The following AGBL4 variants were observed in gnomAD, a reference collection of about 807,000 sequenced individuals.
AGBL4 encodes the protein cytosolic carboxypeptidase 6.
A neutral mutation model predicts 66.4 loss-of-function variants in AGBL4; 58 were observed. That is an observed-to-expected ratio of 0.87 (90% CI 0.71 to 1.09). AGBL4 has a LOEUF of 1.09. Ranked by LOEUF, AGBL4 falls within the 50% of genes least tolerant of loss-of-function variation. The pLI, the probability that AGBL4 is intolerant of heterozygous loss-of-function variation, is 0.00. For synonymous variants in AGBL4, 234 were observed against 222.9 expected, an observed-to-expected ratio of 1.05 and a Z score of -0.44; for missense variants, 579 against 631.0, an observed-to-expected ratio of 0.92 and a Z score of 0.88.
chr1:49,270,213 G>A (rs906005871), intron 3 of AGBL4, among the ~76,000 whole-genome samples: 2 of 152,068 alleles, frequency 1.3e-5, no homozygotes, highest in Non-Finnish European at 2.9e-5. Context: ...GTTTTTCCTT[G>A]TCCTTGTTTT....
intron 4 of AGBL4, among the ~76,000 whole-genome samples, chr1:49,234,466 T>C (rs988763425): frequency 1.3e-5 from 2 of 152,182 alleles, no homozygotes; most frequent in Non-Finnish European, 2.9e-5. Flanking sequence ...ATTTCAGGCA[T>C]AGGGAGAATA....
Position 49,033,531 on chromosome 1 carries a change from C to T in AGBL4, c.594+12053G>A, listed in dbSNP as rs141181028. ...ACCGTGCTGGTCAGAACTGTGCTGG[C>T]CCTCTCCACCCTGTTTTCTGTGGAA... On this transcript the variant is annotated intron_variant, in intron 5 of 13. Coordinates refer to ENST00000371839, the MANE Select transcript of AGBL4 (RefSeq NM_032785.4). Among the ~76,000 whole-genome samples the T allele has an allele frequency of 1.2e-3, 189 of 152,206 alleles. 2 individuals carry two copies. In the Middle Eastern group the frequency reaches 0.017, roughly 14 times the overall value.
chr1:49,385,755 C>T (rs759441912), intron 3 of AGBL4, among the ~76,000 whole-genome samples: 2 of 151,914 alleles, frequency 1.3e-5, no homozygotes, highest in Non-Finnish European at 2.9e-5. Context: ...TTTGAAATTG[C>T]TTTCTTTTTG....
At chr1:49,505,079 T>C (rs1424561278) in intron 3 of AGBL4, among the ~76,000 whole-genome samples, 1 of 152,034 alleles carries the variant, frequency 6.6e-6, no homozygotes, top group East Asian at 1.9e-4. Flanking sequence ...TAACAGGCTA[T>C]TTTAGGCTGA....
At chr1:49,858,764 C>G (rs1411907249) in intron 1 of AGBL4, among the ~76,000 whole-genome samples, 1 of 152,154 alleles carries the variant, frequency 6.6e-6, no homozygotes, top group Non-Finnish European at 1.5e-5. Flanking sequence ...CACCTGTAAT[C>G]CCAGCACTTT....
At chr1:48,608,606 G>A (rs1331188535) in intron 9 of AGBL4, among the ~76,000 whole-genome samples, 1 of 152,094 alleles carries the variant, frequency 6.6e-6, no homozygotes, top group Non-Finnish European at 1.5e-5. Context: ...TAGATGGATG[G>A]ATGGACAAGA....
At chr1:49,111,348 C>T (rs888583724) in intron 4 of AGBL4, among the ~76,000 whole-genome samples, 4 of 152,146 alleles carry the variant, frequency 2.6e-5, no homozygotes, top group African/African-American at 4.8e-5. Flanking sequence ...TCCTGACCTC[C>T]TGATCCGCCC....
At chr1:48,851,701 A>G (rs1260258609) in intron 6 of AGBL4, among the ~76,000 whole-genome samples, 2 of 152,202 alleles carry the variant, frequency 1.3e-5, no homozygotes, top group Non-Finnish European at 2.9e-5. Context: ...CTTTGTAAGG[A>G]CATCCAGCCA....
chr1:49,004,347 G>A (rs553127441), intron 5 of AGBL4, among the ~76,000 whole-genome samples: 22 of 152,284 alleles, frequency 1.4e-4, no homozygotes, highest in African/African-American at 5.3e-4. Context: ...ATTACGTATG[G>A]CATTACAGGT....
intron 2 of AGBL4, among the ~76,000 whole-genome samples, chr1:49,740,791 T>G (rs545994108): frequency 6.6e-6 from 1 of 152,334 alleles, no homozygotes; most frequent in Admixed American, 6.5e-5. Flanking sequence ...AAACTGCTCC[T>G]GAACGACTAC....
At chr1:49,932,953 T>C (rs1442331748) in intron 1 of AGBL4, among the ~76,000 whole-genome samples, 2 of 152,060 alleles carry the variant, frequency 1.3e-5, no homozygotes, top group South Asian at 2.1e-4. Flanking sequence ...ATACACATCA[T>C]GGGAATGCCA....
chr1:48,571,484 C>T (rs1457493673), intron 11 of AGBL4, among the ~76,000 whole-genome samples: 3 of 152,246 alleles, frequency 2.0e-5, no homozygotes, highest in Non-Finnish European at 4.4e-5. Flanking sequence ...TGTTTTGGGA[C>T]TGTGCCCTTG....
At position 49,810,118 on chromosome 1, in the gene AGBL4, T is replaced by C. The variant is rs367978972; in HGVS notation, c.157+41278A>G. On this transcript the variant is annotated intron_variant, in intron 2 of 13. Transcript: ENST00000371839. The stretch of plus-strand genomic sequence containing the variant: ...CTTTACCACTTTCCTCCCTATAAGG[T>C]AGGTGAAGGTTTTCCTTCCAGTTGA... 1.8e-4 allele frequency among the ~76,000 whole-genome samples: 27 copies of C among 152,190 alleles called. No homozygotes were observed. The South Asian group carries it at 5.2e-3, about 29-fold the overall frequency.
intron 5 of AGBL4, among the ~76,000 whole-genome samples, chr1:48,919,460 G>A (rs567268991): frequency 8.5e-5 from 13 of 152,170 alleles, no homozygotes; most frequent in Admixed American, 1.3e-4. Context: ...CCCCATCCAA[G>A]CAATATTAAC....
intron 4 of AGBL4, among the ~76,000 whole-genome samples, chr1:49,109,329 G>A (rs935334577): frequency 6.6e-5 from 10 of 152,172 alleles, no homozygotes; most frequent in Non-Finnish European, 1.2e-4. Flanking sequence ...TGCCTCAACT[G>A]GAAGGCTGTT....
At chr1:48,550,339 GA>G (rs555611927) in intron 11 of AGBL4, among the ~76,000 whole-genome samples, 4 of 151,706 alleles carry the variant, frequency 2.6e-5, no homozygotes, top group Non-Finnish European at 4.4e-5. Context: ...AGAAAACAGA[GA>G]AATAGTTGGT....
intron 3 of AGBL4, among the ~76,000 whole-genome samples, chr1:49,608,380 T>A (rs915520507): frequency 7.2e-5 from 11 of 152,190 alleles, no homozygotes; most frequent in African/African-American, 2.7e-4. Flanking sequence ...TTTTCATCCA[T>A]GACAAGCCTT....
At chr1:49,743,155 T>C (rs181020895) in intron 2 of AGBL4, among the ~76,000 whole-genome samples, 1 of 152,342 alleles carries the variant, frequency 6.6e-6, no homozygotes, top group Admixed American at 6.5e-5. Flanking sequence ...TCTACTCATC[T>C]GACAAAGGGC....
At chr1:49,361,704 A>G (rs1358857419) in intron 3 of AGBL4, among the ~76,000 whole-genome samples, 1 of 152,138 alleles carries the variant, frequency 6.6e-6, no homozygotes, top group Non-Finnish European at 1.5e-5. Context: ...AAAACCCTTT[A>G]ACAAAGATAT....
Sources: allele counts gnomAD v4.1 joint callset (sites outside exome capture counted in the v4.1 genomes callset), GRCh38; gene constraint gnomAD v4.1.1; transcripts MANE v1.5; gene names NCBI Gene and HGNC (gene_info 2026-07-23, HGNC 2026-07-21).